C8orf88: variants seen among roughly 807,000 people sequenced by gnomAD.
C8orf88 encodes chromosome 8 open reading frame 88, also known as uncharacterized protein C8orf88.
In C8orf88, 14 loss-of-function variants were observed where a neutral mutation model predicts 18.4. That is an observed-to-expected ratio of 0.76 (90% confidence interval 0.50 to 1.19). The LOEUF is 1.19. C8orf88 is among the 50% of genes most tolerant of loss of function. The pLI, the probability that C8orf88 is intolerant of heterozygous loss-of-function variation, is 0.00. For synonymous variants in C8orf88, 45 were observed against 42.9 expected (o/e 1.05, Z -0.19); for missense variants, 116 against 134.7 (o/e 0.86, Z 0.69).
chr8:90,967,109 T>G (rs893143159), intron 4 of C8orf88, among the ~76,000 whole-genome samples: 1 of 151,836 alleles, frequency 6.6e-6, no homozygotes, highest in South Asian at 2.1e-4. Flanking sequence ...ACAGTGAAAG[T>G]GGGCACCCTT....
At chr8:90,974,446 T>G (rs1811320824) in intron 3 of C8orf88, among the ~76,000 whole-genome samples, 1 of 152,184 alleles carries the variant, frequency 6.6e-6, no homozygotes, top group Non-Finnish European at 1.5e-5. Context: ...TGAGCCATTT[T>G]CATCATCCAG....
At chr8:90,971,285 T>A in intron 3 of C8orf88, 144 bp from the exon 4 acceptor site, 1 of 408,174 alleles carries the variant, frequency 2.4e-6, no homozygotes, top group Non-Finnish European at 4.3e-6. Context: ...TCTGCTTATT[T>A]AAAATGAGCG....
intron 1 of C8orf88, among the ~76,000 whole-genome samples, chr8:90,982,830 C>G (rs1192769168): frequency 6.6e-6 from 1 of 151,972 alleles, no homozygotes. Flanking sequence ...TTTGGGATTA[C>G]AATGCATAGT....
intron 1 of C8orf88, among the ~76,000 whole-genome samples, chr8:90,984,650 T>TA (rs1192595117): frequency 2.6e-5 from 4 of 152,072 alleles, no homozygotes; most frequent in Non-Finnish European, 4.4e-5. Flanking sequence ...GCTGTCCAGG[T>TA]AATAGGTGTC....
At chr8:90,980,701 C>T (rs1427003247) in intron 1 of C8orf88, among the ~76,000 whole-genome samples, 51 of 151,870 alleles carry the variant, frequency 3.4e-4, no homozygotes, top group Admixed American at 3.2e-3. Context: ...TTCTGTTTTT[C>T]TTTTCTTTTG....
intron 4 of C8orf88, among the ~76,000 whole-genome samples, chr8:90,961,271 T>G (rs1312954814): frequency 2.0e-5 from 3 of 151,312 alleles, no homozygotes; most frequent in Non-Finnish European, 3.0e-5. Flanking sequence ...AAACATTTAT[T>G]GTACATCTTA....
rs374021890 is a variant in C8orf88, at chr8:90,973,167, T to C, written c.148-2026A>G. Among the ~76,000 whole-genome samples, 258 of 152,094 alleles carry C rather than the reference T, an allele frequency of 1.7e-3. 1 individual carries two copies. The highest frequency in any genetic ancestry group is 6.0e-3 in the African/African-American group (250 of 41,502). On this transcript the variant is annotated intron_variant, in intron 3 of 5. Transcript: ENST00000517562. ...TAATAAAGATATGCAGAAAGTACAA[T>C]AAAAGGACTGAGTCAGGGTATCGAA...
At chr8:90,977,660 G>C (rs1381619612) in intron 3 of C8orf88, among the ~76,000 whole-genome samples, 1 of 152,132 alleles carries the variant, frequency 6.6e-6, no homozygotes, top group Non-Finnish European at 1.5e-5. Context: ...AGTATCTAGA[G>C]GCCAGGCACA....
At chr8:90,980,238 TCTTA>T in intron 2 of C8orf88, 121 bp downstream of exon 2, 1 of 544,188 alleles carries the variant, frequency 1.8e-6, no homozygotes, top group East Asian at 3.5e-5. Context: ...TAATACAAAC[TCTTA>T]GTTTTCATTA....
intron 1 of C8orf88, among the ~76,000 whole-genome samples, chr8:90,981,097 A>T (rs1457943624): frequency 6.6e-6 from 1 of 152,088 alleles, no homozygotes; most frequent in Non-Finnish European, 1.5e-5. Flanking sequence ...TTCTCTTTTA[A>T]ACTCCAGTTC....
upstream of C8orf88, chr8:90,985,326 G>A (rs1234377827): frequency 1.5e-4 from 22 of 151,242 alleles, no homozygotes; most frequent in African/African-American, 5.1e-4. Flanking sequence ...GGCCCAGGGC[G>A]GGCGCGGGGC....
chr8:90,978,646 A>C lies in C8orf88; in HGVS notation c.80T>G (p.Val27Gly). Residue 27 changes from valine to glycine, a missense_variant, in exon 3 of 6, where the codon GTG (valine) becomes GGG (glycine). Coordinates refer to ENST00000517562, the MANE Select transcript of C8orf88 (RefSeq NM_001190972.2). ...TTCGTTTTGAAAGTTGAAAGGGAAC[A>C]CTGCTCCTGTTAGGAGAGGAAGAAA... ...VRHLTSPPGA[V>G]FPFNFQNEYP... 2 of 1,521,352 alleles carry C rather than the reference A, an allele frequency of 1.3e-6. No individual in the cohort carries two copies. The highest frequency in any genetic ancestry group is 1.8e-6 in the Non-Finnish European group (2 of 1,137,602). The allele number at this position is 1,521,352 out of a possible 1,614,324, so 94.2% of individuals were successfully genotyped here.
At chr8:90,974,396 C>A (rs995514857) in intron 3 of C8orf88, among the ~76,000 whole-genome samples, 1 of 152,126 alleles carries the variant, frequency 6.6e-6, no homozygotes, top group Non-Finnish European at 1.5e-5. Context: ...ACCAGCTGAG[C>A]TCCAAGCCAA....
chr8:90,966,559 G>A (rs1306325964), intron 4 of C8orf88, among the ~76,000 whole-genome samples: 6 of 142,562 alleles, frequency 4.2e-5, no homozygotes, highest in Non-Finnish European at 7.6e-5. Context: ...GTCTTTAGGC[G>A]ACTCACCAAA....
At chr8:90,980,247 T>A (rs1362905448) in intron 2 of C8orf88, 116 bp downstream of exon 2, 1 of 592,010 alleles carries the variant, frequency 1.7e-6, no homozygotes, top group Non-Finnish European at 2.5e-6. Flanking sequence ...CTCTTAGTTT[T>A]CATTATTTCT....
Position 90,965,157 on chromosome 8 carries a change from A to G in C8orf88, c.224-4309T>C, listed in dbSNP as rs1256288840. Among the ~76,000 whole-genome samples, 3 of 151,802 alleles carry G rather than the reference A, an allele frequency of 2.0e-5. No individual in the cohort carries two copies. In the East Asian group the frequency reaches 5.8e-4, roughly 29 times the overall value. Reference sequence around the variant, plus strand: ...AGACTCATTTTGGATCCAATGACAAAAATAAGTTGAAACTGAAAGACTGTA... The same window carrying G: ...AGACTCATTTTGGATCCAATGACAAGAATAAGTTGAAACTGAAAGACTGTA... On this transcript the variant is annotated intron_variant, in intron 4 of 5. Transcript: ENST00000517562.
At chr8:90,967,973 ATTG>A (rs1563552907) in intron 4 of C8orf88, among the ~76,000 whole-genome samples, 2 of 151,812 alleles carry the variant, frequency 1.3e-5, no homozygotes, top group African/African-American at 2.4e-5. Flanking sequence ...CAGATTTAAT[ATTG>A]TTAAGTTGGC....
chr8:90,971,668 C>G (rs77422575), intron 3 of C8orf88, among the ~76,000 whole-genome samples: 12 of 152,084 alleles, frequency 7.9e-5, no homozygotes, highest in Non-Finnish European at 1.8e-4. Context: ...TGGTAGAGCT[C>G]TATGTCTTGA....
intron 1 of C8orf88, among the ~76,000 whole-genome samples, chr8:90,983,685 G>T (rs968944423): frequency 6.6e-6 from 1 of 151,790 alleles, no homozygotes; most frequent in Non-Finnish European, 1.5e-5. Flanking sequence ...ATATATGAAC[G>T]GTGGAAGAAA....
Sources: gnomAD v4.1 joint callset for allele counts (sites outside exome capture counted in the v4.1 genomes callset) on GRCh38, gnomAD v4.1.1 for gene constraint, MANE v1.5 for transcripts, NCBI Gene and HGNC (gene_info 2026-07-23, HGNC 2026-07-21) for gene names.